Variants in MARCHF1 observed in about 807,000 individuals in gnomAD.
MARCHF1 encodes the protein membrane associated ring-CH-type finger 1.
In MARCHF1, 40 loss-of-function variants were observed where a neutral mutation model predicts 54.2. The observed-to-expected ratio is 0.74, with a 90% confidence interval of 0.57 to 0.96. The LOEUF is 0.96. Among genes scored for constraint, MARCHF1 ranks in the 40% least tolerant of loss-of-function variants. The pLI, the probability that MARCHF1 is intolerant of heterozygous loss-of-function variation, is 0.00. For missense variants in MARCHF1, 586 were observed against 656.5 expected, an observed-to-expected ratio of 0.89 and a Z score of 1.17; for synonymous variants, 236 against 236.3, an observed-to-expected ratio of 1.00 and a Z score of 0.01.
At chr4:163,585,512 T>TA (rs921102965) in intron 8 of MARCHF1, 18 of 324,052 alleles carry the variant, frequency 5.6e-5, no homozygotes, top group Non-Finnish European at 9.5e-5. Context: ...CACTGACTTT[T>TA]AAAAAAGCAT....
intron 3 of MARCHF1, among the ~76,000 whole-genome samples, chr4:163,938,029 A>G (rs868055021): frequency 9.2e-5 from 14 of 152,132 alleles, no homozygotes; most frequent in African/African-American, 3.1e-4. Flanking sequence ...TTTTTTAAAA[A>G]CAGGAGATGA....
chr4:164,255,928 C>T (rs1431505451), intron 1 of MARCHF1, among the ~76,000 whole-genome samples: 7 of 151,660 alleles, frequency 4.6e-5, no homozygotes, highest in Non-Finnish European at 1.0e-4. Context: ...AAGAATAAAC[C>T]TTCTAATCAA....
At chr4:163,649,363 A>G (rs1175095920) in intron 5 of MARCHF1, among the ~76,000 whole-genome samples, 1 of 152,080 alleles carries the variant, frequency 6.6e-6, no homozygotes, top group East Asian at 1.9e-4. Flanking sequence ...TGAAAGAGCA[A>G]TTCATAGGCA....
intron 4 of MARCHF1, among the ~76,000 whole-genome samples, chr4:163,726,237 T>C (rs1284156581): frequency 6.6e-6 from 1 of 152,148 alleles, no homozygotes; most frequent in Non-Finnish European, 1.5e-5. Context: ...TGTTAATAGT[T>C]TCACTTTCCT....
At chr4:164,331,869 TA>T (rs1448310843) in intron 1 of MARCHF1, among the ~76,000 whole-genome samples, 1 of 152,104 alleles carries the variant, frequency 6.6e-6, no homozygotes, top group Middle Eastern at 3.2e-3. Context: ...GAGAAGAAAA[TA>T]AAAGAACTTC....
rs148037301 is a variant in MARCHF1 at position 164,314,768 on chromosome 4, A to G, written c.-323+69102T>C. On this transcript the variant is annotated intron_variant, in intron 1 of 9. Transcript: ENST00000514618. ...ACTTCCTATTATTTCTTAGTTGTAT[A>G]TTTAACATGTATCAAATCTCTACTG... Among the ~76,000 whole-genome samples, 444 of 152,230 alleles carry G rather than the reference A, an allele frequency of 2.9e-3. 11 individuals are homozygous for G. In the East Asian group the frequency reaches 0.031, roughly 11 times the overall value.
chr4:163,980,051 A>G (rs1439302710), intron 3 of MARCHF1, among the ~76,000 whole-genome samples: 2 of 150,844 alleles, frequency 1.3e-5, no homozygotes, highest in Non-Finnish European at 1.5e-5. Flanking sequence ...AAGAGCCCGC[A>G]TCGCCAAGTC....
At chr4:164,080,056 A>G (rs1307084044) in intron 2 of MARCHF1, among the ~76,000 whole-genome samples, 1 of 152,176 alleles carries the variant, frequency 6.6e-6, no homozygotes, top group Non-Finnish European at 1.5e-5. Flanking sequence ...TGCCAATTCT[A>G]CACCTAAGCC....
intron 5 of MARCHF1, among the ~76,000 whole-genome samples, chr4:163,695,909 C>T (rs1744614209): frequency 6.6e-6 from 1 of 151,928 alleles, no homozygotes; most frequent in African/African-American, 2.4e-5. Context: ...AAAGCAGTAA[C>T]AAGCACTAAT....
intron 5 of MARCHF1, among the ~76,000 whole-genome samples, chr4:163,636,731 A>G (rs1742342124): frequency 6.6e-6 from 1 of 152,072 alleles, no homozygotes; most frequent in Admixed American, 6.6e-5. Flanking sequence ...TCTTCACACA[A>G]TTGGAAAAAA....
intron 1 of MARCHF1, among the ~76,000 whole-genome samples, chr4:164,223,574 G>C (rs1472552578): frequency 6.6e-6 from 1 of 151,900 alleles, no homozygotes; most frequent in South Asian, 2.1e-4. Flanking sequence ...GAGAAAAAAT[G>C]TCAGTATTTA....
chr4:163,608,901 G>A (rs548638948), intron 7 of MARCHF1, among the ~76,000 whole-genome samples: 19 of 152,076 alleles, frequency 1.2e-4, no homozygotes, highest in African/African-American at 4.6e-4. Context: ...TGGTTCTCAG[G>A]CTGTATCCAT....
intron 2 of MARCHF1, among the ~76,000 whole-genome samples, chr4:164,046,625 GT>G (rs2111032931): frequency 6.6e-6 from 1 of 152,222 alleles, no homozygotes; most frequent in East Asian, 1.9e-4. Flanking sequence ...CCTGTAATGA[GT>G]TTTTAATCTA....
chr4:163,872,579 A>G (rs1750191541), intron 3 of MARCHF1, among the ~76,000 whole-genome samples: 1 of 152,308 alleles, frequency 6.6e-6, no homozygotes, highest in African/African-American at 2.4e-5. Context: ...AGGGTCAACT[A>G]TGAGTTACCT....
intron 1 of MARCHF1, among the ~76,000 whole-genome samples, chr4:164,272,752 T>C (rs1250495284): frequency 2.0e-5 from 3 of 151,874 alleles, no homozygotes; most frequent in Non-Finnish European, 4.4e-5. Context: ...TTTATTCTTA[T>C]AGCTACATTA....
intron 5 of MARCHF1, among the ~76,000 whole-genome samples, chr4:163,650,261 T>G (rs1560998076): frequency 6.6e-6 from 1 of 151,924 alleles, no homozygotes; most frequent in Non-Finnish European, 1.5e-5. Context: ...CTAATGCAAC[T>G]AATAAAAAGG....
intron 2 of MARCHF1, among the ~76,000 whole-genome samples, chr4:164,058,014 T>C (rs1560884130): frequency 6.6e-6 from 1 of 152,006 alleles, no homozygotes; most frequent in Admixed American, 6.6e-5. Flanking sequence ...CAGCAAACCA[T>C]CACAAGATCA....
chr4:163,562,461 G>C (rs1362200173), intron 8 of MARCHF1, among the ~76,000 whole-genome samples: 1 of 152,126 alleles, frequency 6.6e-6, no homozygotes, highest in Admixed American at 6.5e-5. Flanking sequence ...TGATTCAAGA[G>C]TGTTAGTCTC....
chr4:164,021,444 A>C (rs1753662517), intron 2 of MARCHF1, among the ~76,000 whole-genome samples: 1 of 152,146 alleles, frequency 6.6e-6, no homozygotes, highest in South Asian at 2.1e-4. Context: ...ATACTTATTT[A>C]TCTTTGTTTT....
Sources: gnomAD v4.1 joint callset for allele counts (sites outside exome capture counted in the v4.1 genomes callset) on GRCh38, gnomAD v4.1.1 for gene constraint, MANE v1.5 for transcripts, NCBI Gene and HGNC (gene_info 2026-07-23, HGNC 2026-07-21) for gene names.